The following ITGA1 variants were observed in gnomAD, a reference collection of about 807,000 sequenced individuals.
The protein encoded by ITGA1 is integrin alpha-1.
Under a neutral mutation model 145.9 loss-of-function variants are expected in ITGA1, and 85 were observed. That is an observed-to-expected ratio of 0.58 (90% CI 0.49 to 0.70). The LOEUF (loss-of-function observed/expected upper bound fraction) is 0.70. Ranked by LOEUF, ITGA1 falls within the 30% of genes least tolerant of loss-of-function variation. The pLI is 0.00. For synonymous variants in ITGA1, 520 were observed against 495.3 expected (o/e 1.05, Z -0.66); for missense variants, 1,351 against 1,418.7 (o/e 0.95, Z 0.77).
chr5:52,846,302 C>A (rs1211392783), intron 1 of ITGA1, among the ~76,000 whole-genome samples: 2 of 152,078 alleles, frequency 1.3e-5, no homozygotes, highest in African/African-American at 4.8e-5. Context: ...ACTCAAGAGG[C>A]TGAGGCATGA....
intron 8 of ITGA1, among the ~76,000 whole-genome samples, chr5:52,893,416 CAG>C (rs924358071): frequency 6.6e-6 from 1 of 152,134 alleles, no homozygotes; most frequent in African/African-American, 2.4e-5. Flanking sequence ...AACAGGGACA[CAG>C]AGTACAAGAG....
chr5:52,944,483 CA>C (rs1751100518), intron 26 of ITGA1, among the ~76,000 whole-genome samples: 1 of 152,076 alleles, frequency 6.6e-6, no homozygotes, highest in Admixed American at 6.5e-5. Flanking sequence ...CAGATCTGCC[CA>C]AATTATATTA....
chr5:52,848,902 T>G (rs1021226141), intron 1 of ITGA1, among the ~76,000 whole-genome samples: 5 of 152,164 alleles, frequency 3.3e-5, no homozygotes, highest in African/African-American at 1.2e-4. Context: ...ACAAAGGACA[T>G]GAACTCATCC....
At chr5:52,815,220 A>C (rs1280233739) in intron 1 of ITGA1, among the ~76,000 whole-genome samples, 1 of 152,172 alleles carries the variant, frequency 6.6e-6, no homozygotes, top group East Asian at 1.9e-4. Flanking sequence ...TACTCTCCTA[A>C]AGTAAAATAT....
intron 6 of ITGA1, among the ~76,000 whole-genome samples, chr5:52,870,969 A>C (rs962454872): frequency 3.9e-5 from 6 of 152,220 alleles, no homozygotes; most frequent in African/African-American, 1.4e-4. Flanking sequence ...CCAATGCAGT[A>C]ATAATTTCTC....
At chr5:52,893,363 C>G (rs1035434393) in intron 8 of ITGA1, among the ~76,000 whole-genome samples, 2 of 152,132 alleles carry the variant, frequency 1.3e-5, no homozygotes, top group Non-Finnish European at 2.9e-5. Flanking sequence ...ATGAATATAA[C>G]ATTACTTTTG....
chr5:52,824,909 G>A (rs998658059), intron 1 of ITGA1: 7 of 152,072 alleles, frequency 4.6e-5, no homozygotes, highest in Admixed American at 3.9e-4. Context: ...GTATGATTAA[G>A]GTGGATAATT....
intron 1 of ITGA1, chr5:52,802,063 T>TG: frequency 2.2e-6 from 1 of 453,124 alleles, no homozygotes; most frequent in East Asian, 3.8e-5. Context: ...GATTAAATTG[T>TG]GTAATTTTTT....
chr5:52,868,325 A>G (rs1465048007), intron 6 of ITGA1, among the ~76,000 whole-genome samples: 2 of 152,264 alleles, frequency 1.3e-5, no homozygotes, highest in Admixed American at 1.3e-4. Context: ...CTTTAGAAAG[A>G]AAATCCATAC....
chr5:52,892,353 G>T (rs1036229039), intron 8 of ITGA1, among the ~76,000 whole-genome samples: 2 of 152,042 alleles, frequency 1.3e-5, no homozygotes, highest in African/African-American at 4.8e-5. Flanking sequence ...GTATTGACAC[G>T]CATGCAAAGC....
At chr5:52,931,885 C>T in intron 21 of ITGA1, 162 bp from the exon 22 acceptor site, 1 of 527,652 alleles carries the variant, frequency 1.9e-6, no homozygotes, top group Non-Finnish European at 3.4e-6. Context: ...TACCAATCAT[C>T]TCTGATCTCC....
At chr5:52,910,700 C>CTA (rs932005577) in intron 14 of ITGA1, among the ~76,000 whole-genome samples, 1 of 145,264 alleles carries the variant, frequency 6.9e-6, no homozygotes, top group Admixed American at 6.9e-5. Context: ...TATATACACA[C>CTA]TATATACTAT....
chr5:52,812,957 A>C (rs1277976383), intron 1 of ITGA1, among the ~76,000 whole-genome samples: 1 of 151,742 alleles, frequency 6.6e-6, no homozygotes, highest in Non-Finnish European at 1.5e-5. Context: ...AAGTGGACCC[A>C]CTCAGTCCAG....
chr5:52,869,144 C>T (rs957771470), intron 6 of ITGA1, among the ~76,000 whole-genome samples: 1 of 151,992 alleles, frequency 6.6e-6, no homozygotes, highest in Non-Finnish European at 1.5e-5. Context: ...ATATAAGCAA[C>T]CCATATGATT....
chr5:52,939,707 T>C lies in ITGA1; in HGVS notation c.3180+16T>C, dbSNP rs764776803. 1.8e-5 allele frequency: 29 copies of C among 1,572,308 alleles called. No homozygotes were observed. Among genetic ancestry groups the C allele is most frequent in the African/African-American group, 1.6e-4 (12 of 73,842 alleles). Reference sequence around the variant, plus strand: ...CACAATTCTGGTAAATTAAGACAAGTGCTATTTTTACCTTTTGCTTTCCAA... The same window carrying C: ...CACAATTCTGGTAAATTAAGACAAGCGCTATTTTTACCTTTTGCTTTCCAA... On this transcript the variant is annotated intron_variant, in intron 25 of 28. Transcript: ENST00000282588.
At chr5:52,923,182 A>G (rs1390426949) in intron 18 of ITGA1, among the ~76,000 whole-genome samples, 1 of 152,242 alleles carries the variant, frequency 6.6e-6, no homozygotes. Context: ...GTACAAGTAC[A>G]GCTCATAAAC....
intron 1 of ITGA1, among the ~76,000 whole-genome samples, chr5:52,813,105 A>G (rs1748710102): frequency 6.6e-6 from 1 of 152,102 alleles, no homozygotes; most frequent in Non-Finnish European, 1.5e-5. Context: ...GCACATTTCA[A>G]TTGTAATGTT....
chr5:52,849,351 T>G lies in ITGA1; in HGVS notation c.62-14T>G. ...GTTAACTCTATGTAACTGGATTTTG[T>G]TTTTCTCCTAAAGTTGTTCTACGCT... On this transcript the variant is annotated splice_polypyrimidine_tract_variant and intron_variant, in intron 1 of 28. Coordinates refer to ENST00000282588, the MANE Select transcript of ITGA1 (RefSeq NM_181501.2). 6.3e-7 allele frequency: 1 copy of G among 1,586,396 alleles called. No homozygotes were observed. The highest frequency in any genetic ancestry group is 1.1e-5 in the South Asian group (1 of 87,240).
At chr5:52,854,057 C>T (rs73102276) in intron 2 of ITGA1, among the ~76,000 whole-genome samples, 15 of 152,172 alleles carry the variant, frequency 9.9e-5, no homozygotes, top group African/African-American at 3.4e-4. Flanking sequence ...CTTCAAGCAA[C>T]CTTTCTTGGG....
Sources: allele counts gnomAD v4.1 joint callset (sites outside exome capture counted in the v4.1 genomes callset), GRCh38; gene constraint gnomAD v4.1.1; transcripts MANE v1.5; gene names NCBI Gene and HGNC (gene_info 2026-07-23, HGNC 2026-07-21).